The following COL15A1 variants were observed in gnomAD, a reference collection of about 807,000 sequenced individuals.
COL15A1 encodes the protein collagen alpha-1(XV) chain.
In COL15A1, 111 loss-of-function variants were observed where a neutral mutation model predicts 165.9. That is an observed-to-expected ratio of 0.67 (90% confidence interval 0.57 to 0.78). The LOEUF is 0.78. COL15A1 is among the 30% of genes least tolerant of loss of function. The pLI is 0.00. For synonymous variants in COL15A1, 659 were observed against 674.8 expected (o/e 0.98, Z 0.36); for missense variants, 1,745 against 1,789.7 (o/e 0.98, Z 0.45).
chr9:99,031,112 C>G (rs932089676), intron 16 of COL15A1, among the ~76,000 whole-genome samples: 3 of 152,166 alleles, frequency 2.0e-5, no homozygotes, highest in African/African-American at 7.2e-5. Context: ...CTGCTGGCTC[C>G]TTTGCCACAG....
chr9:98,958,431 T>A (rs1161619647), intron 2 of COL15A1, among the ~76,000 whole-genome samples: 1 of 152,172 alleles, frequency 6.6e-6, no homozygotes, highest in Non-Finnish European at 1.5e-5. Context: ...TGTGTGTATT[T>A]GGTACAAAAC....
chr9:99,055,220 A>T, intron 33 of COL15A1, 42 bp from the exon 34 acceptor site: 1 of 1,580,934 alleles, frequency 6.3e-7, no homozygotes, highest in Non-Finnish European at 8.7e-7. Flanking sequence ...GACTGAGTTC[A>T]TCCCACTCTT....
chr9:98,954,792 G>A (rs1837749011), intron 2 of COL15A1, among the ~76,000 whole-genome samples: 6 of 152,154 alleles, frequency 3.9e-5, no homozygotes, highest in Non-Finnish European at 1.5e-5. Flanking sequence ...AGCCCACCCT[G>A]CCTTGTCTAT....
chr9:99,055,029 G>A, intron 32 of COL15A1, 73 bp from the exon 33 acceptor site: 1 of 1,276,728 alleles, frequency 7.8e-7, no homozygotes, highest in Non-Finnish European at 1.1e-6. Context: ...AACTGTGGTT[G>A]CCAACTTAGA....
intron 34 of COL15A1, among the ~76,000 whole-genome samples, chr9:99,055,889 C>T (rs888868652): frequency 3.3e-5 from 5 of 152,196 alleles, no homozygotes; most frequent in African/African-American, 1.2e-4. Flanking sequence ...GAGGGTAGAA[C>T]CAGCAAAGCC....
At chr9:99,040,276 T>C (rs900889739) in intron 22 of COL15A1, among the ~76,000 whole-genome samples, 3 of 152,190 alleles carry the variant, frequency 2.0e-5, no homozygotes, top group African/African-American at 7.2e-5. Context: ...TCCCTGGGCC[T>C]TGTCTGCCTG....
At chr9:99,024,275 TTG>T (rs1272065323) in intron 14 of COL15A1, among the ~76,000 whole-genome samples, 2 of 137,536 alleles carry the variant, frequency 1.5e-5, no homozygotes, top group African/African-American at 6.1e-5. Flanking sequence ...GCAGTTTTTT[TTG>T]TTTTTTTGTT....
intron 39 of COL15A1, among the ~76,000 whole-genome samples, chr9:99,066,620 T>TGTTTG (rs1564098597): frequency 1.4e-5 from 2 of 141,602 alleles, no homozygotes; most frequent in African/African-American, 5.1e-5. Context: ...TTTTTTTTTT[T>TGTTTG]TTTTCACCTA....
chr9:98,975,145 G>C (rs962400326), intron 2 of COL15A1, among the ~76,000 whole-genome samples: 4 of 152,222 alleles, frequency 2.6e-5, no homozygotes, highest in African/African-American at 9.7e-5. Context: ...TCGCGCCTCC[G>C]TCCGGACATA....
chr9:98,989,148 C>G (rs200365663), intron 4 of COL15A1, 30 bp from the exon 5 acceptor site: 1 of 1,587,210 alleles, frequency 6.3e-7, no homozygotes, highest in East Asian at 2.2e-5. Context: ...CCGCTCTGCC[C>G]GGTGTGTGGC....
chr9:99,007,739 A>G (rs909798241), intron 9 of COL15A1, among the ~76,000 whole-genome samples: 1 of 152,202 alleles, frequency 6.6e-6, no homozygotes, highest in African/African-American at 2.4e-5. Context: ...CTGAAGTTTA[A>G]GTTGTCTAGC....
Position 99,061,961 on chromosome 9 carries a change from G to T in COL15A1, c.3403-10G>T. Reference sequence around the variant, plus strand: ...TAATGGCAGTGTTTGGAATTTAAATGATCTGACAGGTCACAGCATTCAGCA... The same window carrying T: ...TAATGGCAGTGTTTGGAATTTAAATTATCTGACAGGTCACAGCATTCAGCA... On this transcript the variant is annotated splice_polypyrimidine_tract_variant and intron_variant, in intron 36 of 41. Coordinates refer to ENST00000375001, the MANE Select transcript of COL15A1 (RefSeq NM_001855.5). 1 of 1,608,292 alleles carries T rather than the reference G, an allele frequency of 6.2e-7. No individual in the cohort carries two copies.
chr9:99,050,735 T>C (rs1839574486), intron 30 of COL15A1, among the ~76,000 whole-genome samples: 1 of 152,258 alleles, frequency 6.6e-6, no homozygotes, highest in Admixed American at 6.5e-5. Flanking sequence ...GGATGTGGCC[T>C]CTGCTCTCAG....
At chr9:98,989,535 G>A (rs1412089550) in intron 5 of COL15A1, among the ~76,000 whole-genome samples, 1 of 152,154 alleles carries the variant, frequency 6.6e-6, no homozygotes, top group African/African-American at 2.4e-5. Context: ...TGGAGCCTTG[G>A]GTAAAAAGCC....
At position 99,042,049 on chromosome 9, in the gene COL15A1, C is replaced by T. The variant is rs1564078535; in HGVS notation, c.2516C>T (p.Pro839Leu). ...GLPGLPGFPGPRGPKGDTGLP... is the reference protein window; with the variant it reads ...GLPGLPGFPGLRGPKGDTGLP... ...CTATATAACAATTCCTTCCAGGGTC[C>T]TAGAGGACCAAAAGGTGACACTGGT... Residue 839 changes from proline (P) to leucine (L), a missense_variant, in exon 24 of 42, where the codon CCT becomes CTT. Coordinates refer to ENST00000375001, the MANE Select transcript of COL15A1 (RefSeq NM_001855.5). 1 of 1,608,444 alleles carries T rather than the reference C, an allele frequency of 6.2e-7. No homozygotes were observed. The highest frequency in any genetic ancestry group is 1.7e-5 in the Admixed American group (1 of 59,804).
intron 3 of COL15A1, 132 bp downstream of exon 3, chr9:98,986,244 A>C: frequency 1.3e-6 from 1 of 763,578 alleles, no homozygotes. Flanking sequence ...TATGATGGGA[A>C]ATAACACTAG....
intron 10 of COL15A1, 133 bp downstream of exon 10, chr9:99,015,699 TGGAG>T: frequency 1.1e-6 from 1 of 872,678 alleles, no homozygotes; most frequent in Non-Finnish European, 1.8e-6. Context: ...GGGCAGCTGC[TGGAG>T]GGAGGCAGGA....
In COL15A1 at chr9:99,025,884, T is replaced by C; in HGVS notation, c.1981-20T>C. 2 of 1,610,916 alleles carry C rather than the reference T, an allele frequency of 1.2e-6. No homozygotes were observed. Among genetic ancestry groups the C allele is most frequent in the Non-Finnish European group, 8.5e-7 (1 of 1,178,548 alleles). ...ATTTAGCAGAAATGTTGTGGGTTGA[T>C]TGTCACTGATGTTCCCCAGGGCCCT... On this transcript the variant is annotated intron_variant, in intron 15 of 41. Coordinates refer to ENST00000375001, the MANE Select transcript of COL15A1 (RefSeq NM_001855.5).
In COL15A1 at chr9:99,018,540, C is replaced by T. The variant is rs147893265; in HGVS notation, c.1648-1849C>T. On this transcript the variant is annotated intron_variant, in intron 11 of 41. Coordinates refer to ENST00000375001, the MANE Select transcript of COL15A1 (RefSeq NM_001855.5). The stretch of plus-strand genomic sequence containing the variant: ...ATAGTCTGATAGCCTTTGTTGTTGC[C>T]GCTTTTTAAAAAAAGGCTTTGTTTA... Among the ~76,000 whole-genome samples, 1,018 of 152,040 alleles carry T rather than the reference C, an allele frequency of 6.7e-3. 2 individuals carry two copies. Among genetic ancestry groups the T allele is most frequent in the Non-Finnish European group, 9.9e-3 (676 of 67,980 alleles).
Sources: allele counts gnomAD v4.1 joint callset (sites outside exome capture counted in the v4.1 genomes callset), GRCh38; gene constraint gnomAD v4.1.1; transcripts MANE v1.5; gene names NCBI Gene and HGNC (gene_info 2026-07-23, HGNC 2026-07-21).